RPL31: variants seen among roughly 807,000 people sequenced by gnomAD.
RPL31 encodes the protein ribosomal protein L31.
For synonymous variants in RPL31, 51 were observed against 55.0 expected, an observed-to-expected ratio of 0.93 and a Z score of 0.32; for missense variants, 95 against 164.0, an observed-to-expected ratio of 0.58 and a Z score of 2.30.
intron 4 of RPL31, chr2:101,018,166 AC>A (rs1268540039): frequency 4.4e-5 from 19 of 435,322 alleles, no homozygotes; most frequent in Non-Finnish European, 6.2e-5. Context: ...ATATTGCTGT[AC>A]TAATCTATAA....
intron 3 of RPL31, 65 bp downstream of exon 3, chr2:101,004,348 A>T (rs1678641058): frequency 3.2e-6 from 5 of 1,575,378 alleles, no homozygotes; most frequent in Non-Finnish European, 4.3e-6. Context: ...TTAACCCTGC[A>T]AGAGCCCATA....
downstream of RPL31, chr2:101,008,131 C>G: frequency 1.2e-6 from 2 of 1,613,908 alleles, no homozygotes; most frequent in Non-Finnish European, 1.7e-6. Flanking sequence ...GGAGCAGCTT[C>G]CAGAGCTGCT....
Position 101,006,012 on chromosome 2 carries a change from A to G in RPL31, c.287A>G (p.Glu96Gly). The change falls in exon 4 of 5, where the codon GAA becomes GGA. Residue 96 changes from glutamate (E) to glycine (G), a missense_variant. Coordinates refer to ENST00000264258, the MANE Select transcript of RPL31 (RefSeq NM_000993.5). ...VRLSRKRNED[E>G]DSPNKLYTLV... The stretch of plus-strand genomic sequence containing the variant: ...CTGTCCAGAAAACGTAATGAGGATG[A>G]AGATTCACCAAATAAGCTATATACT... 1 of 1,613,936 alleles carries G rather than the reference A, an allele frequency of 6.2e-7. No individual in the cohort carries two copies. Among genetic ancestry groups the G allele is most frequent in the Non-Finnish European group, 8.5e-7 (1 of 1,180,026 alleles).
At chr2:101,007,928 G>C (rs753924618), downstream of RPL31, 7 of 1,613,942 alleles carry the variant, frequency 4.3e-6, no homozygotes, top group Non-Finnish European at 5.9e-6. Flanking sequence ...TTCATGTCCA[G>C]TGGCTTTTCA....
downstream of RPL31, chr2:101,008,333 T>G (rs2105354320): frequency 7.4e-7 from 1 of 1,344,478 alleles, no homozygotes; most frequent in Middle Eastern, 1.9e-4. Context: ...CATTTTTTTT[T>G]TTAAACATAC....
intron 2 of RPL31, among the ~76,000 whole-genome samples, 191 bp from the exon 3 acceptor site, chr2:101,003,962 ACATAC>A (rs1004737016): frequency 6.6e-6 from 1 of 152,182 alleles, no homozygotes; most frequent in African/African-American, 2.4e-5. Context: ...TTTTAGGAGG[ACATAC>A]CATCTACAGT....
At chr2:101,014,701 C>A (rs1403379703) in intron 4 of RPL31, among the ~76,000 whole-genome samples, 1 of 152,148 alleles carries the variant, frequency 6.6e-6, no homozygotes, top group African/African-American at 2.4e-5. Context: ...TGGGTTCCAG[C>A]AGATATCTTG....
chr2:101,002,804 G>A lies in RPL31; in HGVS notation c.103G>A (p.Gly35Arg), dbSNP rs975849328. ...CATCAACATTCACAAGCGCATCCAT[G>A]GAGTGTGAGTATCCCTCTAGCCGCC... is the stretch of plus-strand genomic sequence containing the variant. ...YTINIHKRIH[G>R]VGFKKRAPRA... The change falls in exon 2 of 5, where the codon GGA (glycine) becomes AGA (arginine). Residue 35 changes from glycine (G) to arginine (R), a missense_variant. Coordinates refer to ENST00000264258, the MANE Select transcript of RPL31 (RefSeq NM_000993.5). 1.3e-5 allele frequency: 21 copies of A among 1,612,158 alleles called. No homozygotes were observed. In the Admixed American group the frequency reaches 2.3e-4, roughly 18 times the overall value.
At chr2:101,011,627 C>A, downstream of RPL31, 2 of 1,405,212 alleles carry the variant, frequency 1.4e-6, no homozygotes, top group South Asian at 1.2e-5. Flanking sequence ...CAACTAAAGG[C>A]TAAGCCAGCA....
chr2:101,003,028 C>T (rs1388093981), intron 2 of RPL31, among the ~76,000 whole-genome samples: 2 of 152,152 alleles, frequency 1.3e-5, no homozygotes, highest in Admixed American at 6.5e-5. Context: ...CTTTCTTAGC[C>T]GAATGCGGAC....
chr2:101,019,451 A>G (rs1252092009), exon 5 of RPL31: 2 of 154,684 alleles, frequency 1.3e-5, no homozygotes, highest in Non-Finnish European at 2.9e-5. Context: ...GCATGGCCTC[A>G]GGAAAATGAT....
downstream of RPL31, chr2:101,011,440 G>C (rs759421899): frequency 6.2e-7 from 1 of 1,613,786 alleles, no homozygotes; most frequent in Non-Finnish European, 8.5e-7. Context: ...ACAATGAAAA[G>C]AGGTACGTGC....
intron 1 of RPL31, 95 bp from the exon 2 acceptor site, chr2:101,002,607 G>T: frequency 9.5e-7 from 1 of 1,053,364 alleles, no homozygotes; most frequent in Non-Finnish European, 1.5e-6. Context: ...TCAGCACCTG[G>T]AAGCGCCCCG....
At chr2:101,012,625 CAAAA>C (rs71378138) in intron 4 of RPL31, among the ~76,000 whole-genome samples, 8 of 135,152 alleles carry the variant, frequency 5.9e-5, no homozygotes, top group Admixed American at 1.5e-4. Context: ...TCTGAATATA[CAAAA>C]AAAAAAAAAC....
At chr2:101,019,268 T>G (rs1476616554) in exon 5 of RPL31, 1 of 427,170 alleles carries the variant, frequency 2.3e-6, no homozygotes, top group East Asian at 3.3e-5. Flanking sequence ...GAGAATTCTT[T>G]AGGCACACAA....
chr2:101,017,788 C>T, intron 4 of RPL31: 1 of 1,521,986 alleles, frequency 6.6e-7, no homozygotes, highest in Non-Finnish European at 8.9e-7. Flanking sequence ...TCTTGACAAG[C>T]TCAGGACTTT....
downstream of RPL31, chr2:101,010,791 A>C (rs1264472939): frequency 7.8e-6 from 5 of 643,546 alleles, no homozygotes; most frequent in Non-Finnish European, 1.3e-5. Context: ...CTGAGGCAGG[A>C]GAACTGCTTG....
At chr2:101,002,596 C>A in intron 1 of RPL31, 106 bp from the exon 2 acceptor site, 2 of 959,274 alleles carry the variant, frequency 2.1e-6, no homozygotes, top group East Asian at 2.5e-5. Flanking sequence ...TGGCCAGACT[C>A]TCAGCACCTG....
downstream of RPL31, among the ~76,000 whole-genome samples, chr2:101,012,045 A>G (rs1409855068): frequency 6.6e-6 from 1 of 152,258 alleles, no homozygotes; most frequent in East Asian, 1.9e-4. Context: ...TCAAAGCAGC[A>G]TCTTAGTATT....
Sources: allele counts gnomAD v4.1 joint callset (sites outside exome capture counted in the v4.1 genomes callset), GRCh38; gene constraint gnomAD v4.1.1; transcripts MANE v1.5; gene names NCBI Gene and HGNC (gene_info 2026-07-23, HGNC 2026-07-21).